SERINC5: variants seen among roughly 807,000 people sequenced by gnomAD.
SERINC5 encodes serine incorporator 5, also known as chromosome 5 open reading frame 12.
Under a neutral mutation model 63.1 loss-of-function variants are expected in SERINC5, and 41 were observed. The observed-to-expected ratio is 0.65, with a 90% confidence interval of 0.51 to 0.84. The LOEUF (loss-of-function observed/expected upper bound fraction) is 0.84, where lower values mean the gene tolerates loss of function less well. SERINC5 is among the 40% of genes least tolerant of loss of function. The probability of loss-of-function intolerance (pLI) is 0.00; values close to 1 mark genes in which losing one functional copy is unlikely to be tolerated. For synonymous variants in SERINC5, 222 were observed against 215.2 expected, an observed-to-expected ratio of 1.03 and a Z score of -0.28; for missense variants, 523 against 573.0, an observed-to-expected ratio of 0.91 and a Z score of 0.89.
intron 1 of SERINC5, among the ~76,000 whole-genome samples, chr5:80,254,710 A>G (rs760857136): frequency 1.3e-5 from 2 of 152,140 alleles, no homozygotes; most frequent in Non-Finnish European, 1.5e-5. Context: ...TCTCTGCCTG[A>G]CACAGGGAAA....
intron 11 of SERINC5, among the ~76,000 whole-genome samples, chr5:80,145,419 T>C (rs1456918283): frequency 7.4e-6 from 1 of 134,460 alleles, no homozygotes; most frequent in East Asian, 2.2e-4. Context: ...TGGTTATCTG[T>C]GTGGGGGAAG....
At chr5:80,122,658 G>A (rs1744594245) in intron 11 of SERINC5, among the ~76,000 whole-genome samples, 1 of 152,234 alleles carries the variant, frequency 6.6e-6, no homozygotes, top group Non-Finnish European at 1.5e-5. Flanking sequence ...TGATCTGGGT[G>A]ATCCTGATCT....
In SERINC5 at chr5:80,139,593, GA is replaced by G. The variant is rs372530260; in HGVS notation, c.*4069del. 17 of 527,170 alleles carry G rather than the reference GA, an allele frequency of 3.2e-5. No homozygotes were observed. In the East Asian group the frequency reaches 1.4e-3, roughly 45 times the overall value. 32.7% of individuals were successfully genotyped at this position (527,170 alleles called of 1,614,324 possible). A position where few individuals can be genotyped will look rare whatever the true frequency, so the allele number is the denominator to read the frequency against. On this transcript the variant is annotated 3_prime_UTR_variant, in exon 12 of 12. Transcript: ENST00000507668. ...CTGTGAAAGAGTTGTTGAGAAAGAA[GA>G]AAAGAGAGAGAGAGAGAAAGGTCTA...
At chr5:80,249,543 C>T (rs981576958) in intron 1 of SERINC5, among the ~76,000 whole-genome samples, 1 of 152,148 alleles carries the variant, frequency 6.6e-6, no homozygotes, top group Admixed American at 6.5e-5. Context: ...TGGCTCAGTC[C>T]TGTAATACCA....
intron 10 of SERINC5, 56 bp from the exon 11 acceptor site, chr5:80,146,290 C>T (rs1745821170): frequency 6.3e-7 from 1 of 1,596,236 alleles, no homozygotes; most frequent in Non-Finnish European, 8.6e-7. Flanking sequence ...GTTTACCATT[C>T]AGCAAAGTCA....
At chr5:80,230,445 C>CA (rs72476401) in intron 1 of SERINC5, among the ~76,000 whole-genome samples, 5 of 93,190 alleles carry the variant, frequency 5.4e-5, no homozygotes, top group Admixed American at 1.1e-4. Context: ...AAGACTGTCA[C>CA]AAAAAAAAAA....
intron 1 of SERINC5, among the ~76,000 whole-genome samples, chr5:80,230,665 A>G (rs1182977012): frequency 6.6e-6 from 1 of 152,106 alleles, no homozygotes; most frequent in Non-Finnish European, 1.5e-5. Flanking sequence ...TATTACTGTT[A>G]TTATTATTTT....
At chr5:80,158,779 C>T (rs1009177638) in intron 8 of SERINC5, 57 bp downstream of exon 8, 65 of 1,553,286 alleles carry the variant, frequency 4.2e-5, no homozygotes, top group Non-Finnish European at 5.5e-5. Flanking sequence ...TATTTCAATT[C>T]TTTTCCTGTA....
intron 11 of SERINC5, among the ~76,000 whole-genome samples, chr5:80,127,891 T>C (rs1744804334): frequency 6.6e-6 from 1 of 152,146 alleles, no homozygotes; most frequent in African/African-American, 2.4e-5. Flanking sequence ...CACATTTCTA[T>C]AGGCAAAATC....
chr5:80,146,038 T>G lies in SERINC5; in HGVS notation c.1238+52A>C, dbSNP rs1439634817. The G allele has an allele frequency of 3.1e-6, 5 of 1,597,410 alleles. No individual in the cohort carries two copies. In the East Asian group the frequency reaches 1.1e-4, roughly 36 times the overall value. Reference sequence around the variant, plus strand: ...CAAACAAACACGAACAGTACTTAACTCTTAACTTTAAGGCTTTGCTTCAAA... The same window carrying G: ...CAAACAAACACGAACAGTACTTAACGCTTAACTTTAAGGCTTTGCTTCAAA... On this transcript the variant is annotated intron_variant, in intron 11 of 11. Transcript: ENST00000507668.
At chr5:80,218,838 T>G (rs1395787101) in intron 1 of SERINC5, among the ~76,000 whole-genome samples, 1 of 151,866 alleles carries the variant, frequency 6.6e-6, no homozygotes, top group Non-Finnish European at 1.5e-5. Context: ...ACAAACCACA[T>G]CACAGAAAGG....
At chr5:80,137,656 A>AAAAAAAAAAAAAAG (rs1745267864), downstream of SERINC5, among the ~76,000 whole-genome samples, 1 of 148,922 alleles carries the variant, frequency 6.7e-6, no homozygotes, top group Non-Finnish European at 1.5e-5. Flanking sequence ...AAAAAAAAAA[A>AAAAAAAAAAAAAAG]GTGAGCTGGG....
chr5:80,236,420 A>G (rs72776290), intron 1 of SERINC5, among the ~76,000 whole-genome samples: 3,485 of 152,282 alleles, frequency 0.023, 68 homozygotes, highest in Middle Eastern at 0.031. Context: ...TATGCACAAA[A>G]AAGCCTAAAA....
chr5:80,248,293 G>C (rs1473967413), intron 1 of SERINC5, among the ~76,000 whole-genome samples: 1 of 152,192 alleles, frequency 6.6e-6, no homozygotes, highest in Non-Finnish European at 1.5e-5. Flanking sequence ...TAGGTGACTT[G>C]AACGACTTGA....
intron 1 of SERINC5, among the ~76,000 whole-genome samples, chr5:80,229,239 G>A (rs542278108): frequency 6.6e-6 from 1 of 151,668 alleles, no homozygotes; most frequent in Non-Finnish European, 1.5e-5. Flanking sequence ...GGCCAGGCTG[G>A]TCTCTAACTG....
chr5:80,211,206 A>G (rs563476141), intron 1 of SERINC5, among the ~76,000 whole-genome samples: 33 of 152,340 alleles, frequency 2.2e-4, no homozygotes, highest in South Asian at 1.7e-3. Flanking sequence ...CTTCAAGCAC[A>G]CGTGAGACAA....
rs141492937 is a variant in SERINC5 at position 80,148,185 on chromosome 5, TATTC to T, written c.1054-905_1054-902del. Among the ~76,000 whole-genome samples, 437 of 122,800 alleles carry T rather than the reference TATTC, an allele frequency of 3.6e-3. 7 individuals carry two copies. Among genetic ancestry groups the T allele is most frequent in the East Asian group, 6.1e-3 (24 of 3,938 alleles). The allele number at this position is 122,800 out of a possible 152,430, so 80.6% of individuals were successfully genotyped here. On this transcript the variant is annotated intron_variant, in intron 9 of 11. Coordinates refer to ENST00000507668, the MANE Select transcript of SERINC5 (RefSeq NM_001174072.3). ...CATCTCTGGTACCTTGCGTATTTTT[TATTC>T]TTTTTTTTTTTTTTTTTTGAGATGG... is the stretch of plus-strand genomic sequence containing the variant.
At position 80,141,302 on chromosome 5, in the gene SERINC5, T is replaced by C; in HGVS notation, c.*2361A>G. ...AGACTCACGCATCTGGAAAACGTTG[T>C]GTGGCTGGGCTGGCTCCAGAAGGAA... On this transcript the variant is annotated 3_prime_UTR_variant, in exon 12 of 12. Coordinates refer to ENST00000507668, the MANE Select transcript of SERINC5 (RefSeq NM_001174072.3). 3 of 985,454 alleles carry C rather than the reference T, an allele frequency of 3.0e-6. No homozygotes were observed. The highest frequency in any genetic ancestry group is 2.4e-6 in the Non-Finnish European group (2 of 829,942). The allele number at this position is 985,454 out of a possible 1,614,324, so 61.0% of individuals were successfully genotyped here. A position where few individuals can be genotyped will look rare whatever the true frequency, so the allele number is the denominator to read the frequency against.
chr5:80,184,799 G>A (rs1412747823), intron 2 of SERINC5, among the ~76,000 whole-genome samples: 2 of 152,170 alleles, frequency 1.3e-5, no homozygotes, highest in South Asian at 2.1e-4. Flanking sequence ...TGAAAGGAAT[G>A]TGCCTGCTAA....
Sources: gnomAD v4.1 joint callset for allele counts (sites outside exome capture counted in the v4.1 genomes callset) on GRCh38, gnomAD v4.1.1 for gene constraint, MANE v1.5 for transcripts, NCBI Gene and HGNC (gene_info 2026-07-23, HGNC 2026-07-21) for gene names.